The following RGL1 variants were observed in gnomAD, a reference collection of about 807,000 sequenced individuals.
The protein encoded by RGL1 is ral guanine nucleotide dissociation stimulator-like 1.
A neutral mutation model predicts 95.2 loss-of-function variants in RGL1; 24 were observed. The ratio of observed to expected loss-of-function variants is 0.25; its 90% CI spans 0.18 to 0.35. The LOEUF is 0.35. Ranked by LOEUF, RGL1 falls within the 10% of genes least tolerant of loss-of-function variation. RGL1 has a pLI of 1.00. For synonymous variants in RGL1, 329 were observed against 344.9 expected, an observed-to-expected ratio of 0.95 and a Z score of 0.51; for missense variants, 715 against 936.3, an observed-to-expected ratio of 0.76 and a Z score of 3.08.
At chr1:183,877,596 C>A (rs1475899780) in intron 4 of RGL1, among the ~76,000 whole-genome samples, 1 of 152,160 alleles carries the variant, frequency 6.6e-6, no homozygotes, top group Admixed American at 6.5e-5. Flanking sequence ...GGCTCTGCCT[C>A]GTGTTCTATT....
At chr1:183,918,515 G>T (rs1039562469) in intron 16 of RGL1, among the ~76,000 whole-genome samples, 1 of 152,214 alleles carries the variant, frequency 6.6e-6, no homozygotes, top group African/African-American at 2.4e-5. Context: ...ACACCAAACA[G>T]TTATGTTTTG....
At chr1:183,672,411 T>C (rs1444085402) in intron 1 of RGL1, among the ~76,000 whole-genome samples, 2 of 152,214 alleles carry the variant, frequency 1.3e-5, no homozygotes, top group African/African-American at 4.8e-5. Flanking sequence ...AATATTTCTC[T>C]CTTTTCCCAT....
At chr1:183,715,079 A>C (rs1377814851) in intron 1 of RGL1, among the ~76,000 whole-genome samples, 1 of 152,172 alleles carries the variant, frequency 6.6e-6, no homozygotes, top group African/African-American at 2.4e-5. Flanking sequence ...AAGGTTAGGA[A>C]ACTTTTTTAA....
Position 183,863,548 on chromosome 1 carries a change from G to A in RGL1, c.348-2448G>A, listed in dbSNP as rs74133008. Among the ~76,000 whole-genome samples, 892 of 152,214 alleles carry A rather than the reference G, an allele frequency of 5.9e-3. 9 individuals carry two copies. The highest frequency in any genetic ancestry group is 0.021 in the African/African-American group (859 of 41,530). On this transcript the variant is annotated intron_variant, in intron 3 of 17. Transcript: ENST00000360851. ...GAATTGCTCTGGCTACTGGGCAGAA[G>A]CTGGGGACCATTTAGGTGGCTGTTG...
In RGL1 at chr1:183,847,616, C is replaced by A; in HGVS notation, c.189C>A (p.Thr63=). 1 of 1,614,070 alleles carries A rather than the reference C, an allele frequency of 6.2e-7. No homozygotes were observed. The highest frequency in any genetic ancestry group is 8.5e-7 in the Non-Finnish European group (1 of 1,179,936). ...GACACACAGTCAGTCAATATGAAAC[C>A]TGTAAGATCAGGACCATAAAAGCTG... ...PPGHTVSQYE[T]CKIRTIKAGT... The change falls in exon 3 of 18, where the codon ACC becomes ACA. Residue 63 remains threonine, a synonymous_variant. Transcript: ENST00000360851.
intron 2 of RGL1, among the ~76,000 whole-genome samples, chr1:183,813,985 T>C (rs1204188532): frequency 6.6e-6 from 1 of 152,244 alleles, no homozygotes. Context: ...TGGCCTCTTC[T>C]ATATAATTGA....
chr1:183,811,690 T>G (rs1263239371), intron 2 of RGL1, among the ~76,000 whole-genome samples: 1 of 152,136 alleles, frequency 6.6e-6, no homozygotes, highest in Non-Finnish European at 1.5e-5. Context: ...TGCTAGTGCT[T>G]TCAAATTCTG....
At chr1:183,803,417 T>C (rs887911217), upstream of RGL1, among the ~76,000 whole-genome samples, 2 of 152,242 alleles carry the variant, frequency 1.3e-5, no homozygotes, top group African/African-American at 4.8e-5. Context: ...GGTAGTAGCA[T>C]TCAGGTTCAC....
At position 183,724,955 on chromosome 1, in the gene RGL1, A is replaced by G. The variant is rs527605493; in HGVS notation, c.-32-17171A>G. ...GTTGTGTCATCTCTCCCCCAGCTCTAGGCACCACAACACACACACACACAC... is the reference window on the plus strand; with the variant it reads ...GTTGTGTCATCTCTCCCCCAGCTCTGGGCACCACAACACACACACACACAC... On this transcript the variant is annotated intron_variant, in intron 1 of 18. Coordinates refer to the RGL1 transcript ENST00000304685. This position sits in a 1 kb window ranked among gnomAD's most constrained non-coding sequence, Gnocchi z 4.1. 2.5e-3 allele frequency among the ~76,000 whole-genome samples: 332 copies of G among 132,418 alleles called. 1 individual carries two copies. Among genetic ancestry groups the G allele is most frequent in the East Asian group, 9.2e-4 (3 of 3,252 alleles). The allele number at this position is 132,418 out of a possible 152,430, so 86.9% of individuals were successfully genotyped here. A position where few individuals can be genotyped will look rare whatever the true frequency, so the allele number is the denominator to read the frequency against.
intron 1 of RGL1, among the ~76,000 whole-genome samples, chr1:183,681,052 T>A (rs979424705): frequency 1.3e-5 from 2 of 152,242 alleles, no homozygotes; most frequent in East Asian, 3.8e-4. Context: ...TGAAACTGTT[T>A]ATCAGCTTAA....
intron 3 of RGL1, among the ~76,000 whole-genome samples, chr1:183,858,198 A>G (rs1364749215): frequency 6.6e-6 from 1 of 152,218 alleles, no homozygotes; most frequent in Non-Finnish European, 1.5e-5. Flanking sequence ...GTAACTGGAC[A>G]GTCAGACATT....
chr1:183,921,997 G>A (rs770082879), intron 16 of RGL1, among the ~76,000 whole-genome samples: 5 of 152,172 alleles, frequency 3.3e-5, no homozygotes, highest in South Asian at 2.1e-4. Context: ...AGCGGATGAC[G>A]CTGTGACTCA....
chr1:183,842,967 T>C (rs1052169653), intron 2 of RGL1, among the ~76,000 whole-genome samples: 12 of 152,228 alleles, frequency 7.9e-5, no homozygotes, highest in Non-Finnish European at 1.6e-4. Context: ...GTGTTTCCCC[T>C]CTGTACAGTT....
At chr1:183,669,719 C>T (rs12039168) in intron 1 of RGL1, among the ~76,000 whole-genome samples, 59 of 152,124 alleles carry the variant, frequency 3.9e-4, no homozygotes, top group African/African-American at 1.3e-3. Flanking sequence ...CCTGAGACTG[C>T]GTAATTTATA....
chr1:183,643,926 A>T (rs950286754), intron 1 of RGL1, among the ~76,000 whole-genome samples: 1 of 152,186 alleles, frequency 6.6e-6, no homozygotes, highest in Non-Finnish European at 1.5e-5. Context: ...CTAAGATAAG[A>T]TAATCTTGGG....
intron 2 of RGL1, among the ~76,000 whole-genome samples, chr1:183,775,493 C>CT (rs1659544875): frequency 6.6e-6 from 1 of 152,170 alleles, no homozygotes; most frequent in Admixed American, 6.5e-5. Context: ...CATTCTCTGG[C>CT]TCAAGTAGTT....
intron 3 of RGL1, among the ~76,000 whole-genome samples, chr1:183,860,252 C>T (rs904575223): frequency 1.3e-5 from 2 of 152,158 alleles, no homozygotes; most frequent in Admixed American, 1.3e-4. Flanking sequence ...CTCTTCCCGC[C>T]CCAGCCTTTC....
intron 1 of RGL1, among the ~76,000 whole-genome samples, chr1:183,741,889 C>T (rs1233889845): frequency 1.3e-5 from 2 of 152,146 alleles, no homozygotes; most frequent in Non-Finnish European, 2.9e-5. Flanking sequence ...TTGCACTTTG[C>T]TTTAAAATTT....
chr1:183,922,186 C>T (rs1169095899), intron 16 of RGL1, 36 bp from the exon 17 acceptor site: 1 of 1,556,272 alleles, frequency 6.4e-7, no homozygotes, highest in Non-Finnish European at 8.9e-7. Flanking sequence ...AAACGTGAAG[C>T]TAAGTACTTT....
Sources: allele counts gnomAD v4.1 joint callset (sites outside exome capture counted in the v4.1 genomes callset), GRCh38; gene constraint gnomAD v4.1.1; non-coding constraint Gnocchi (gnomAD v3.1); transcripts MANE v1.5; gene names NCBI Gene and HGNC (gene_info 2026-07-23, HGNC 2026-07-21).